UBAP2L: variants seen among roughly 807,000 people sequenced by gnomAD.
UBAP2L encodes the protein ubiquitin associated protein 2 like.
In UBAP2L, 12 loss-of-function variants were observed where a neutral mutation model predicts 130.6. That is an observed-to-expected ratio of 0.09 (90% CI 0.06 to 0.15). The LOEUF is 0.15. Ranked by LOEUF, UBAP2L falls within the 10% of genes least tolerant of loss-of-function variation. The pLI, the probability that UBAP2L is intolerant of heterozygous loss-of-function variation, is 1.00. For synonymous variants in UBAP2L, 503 were observed against 524.7 expected (o/e 0.96, Z 0.57); for missense variants, 965 against 1,332.5 (o/e 0.72, Z 4.29).
In UBAP2L at chr1:154,251,228, G is replaced by A. The variant is rs563548429; in HGVS notation, c.1401G>A (p.Ser467=). The A allele has an allele frequency of 2.1e-4, 346 of 1,614,074 alleles. 3 individuals are homozygous for A. In the South Asian group the frequency reaches 2.3e-3, roughly 11 times the overall value. ...PSKSTSAPQM[S]PGSSDNQSSS... ...AATCCACATCGGCTCCACAGATGTC[G>A]CCTGGATCTTCAGACAACCAGTCCT... The change falls in exon 13 of 27, where the codon TCG becomes TCA. Residue 467 remains serine (S), a synonymous_variant. Coordinates refer to ENST00000428931, the MANE Select transcript of UBAP2L (RefSeq NM_014847.4).
intron 11 of UBAP2L, among the ~76,000 whole-genome samples, chr1:154,248,058 C>T (rs544427924): frequency 1.2e-3 from 183 of 152,078 alleles, no homozygotes; most frequent in African/African-American, 4.1e-3. Context: ...ACCTCCACCT[C>T]CTGGGTTCAA....
Position 154,270,783 on chromosome 1 carries a change from T to C in UBAP2L, c.*488T>C, listed in dbSNP as rs1684604377. The C allele has an allele frequency of 7.5e-7, 1 of 1,331,598 alleles. No individual in the cohort carries two copies. Among genetic ancestry groups the C allele is most frequent in the Admixed American group, 3.3e-5 (1 of 30,246 alleles). 82.5% of individuals were successfully genotyped at this position (1,331,598 alleles called of 1,614,324 possible). ...GGTTTTTTTTTTGTTTTTTTTTTTT[T>C]TTTGTACTGTGTCCTCAAATTTAAT... On this transcript the variant is annotated 3_prime_UTR_variant, in exon 27 of 27. Coordinates refer to ENST00000428931, the MANE Select transcript of UBAP2L (RefSeq NM_014847.4).
intron 22 of UBAP2L, 24 bp from the exon 23 acceptor site, chr1:154,260,868 T>C (rs777413787): frequency 3.7e-6 from 6 of 1,601,024 alleles, no homozygotes; most frequent in Non-Finnish European, 5.1e-6. Flanking sequence ...AAGAGGCAGG[T>C]ACATTTAGCT....
rs1679403806 is a variant in UBAP2L, at chr1:154,255,710, TTCA to T, written c.2119_2121del (p.Ser707del). ...CGTTATCTACGCAGCAGAATACCCT[TTCA>T]TCATCAACATCTTCTGGGCGCACTT... On this transcript the variant is annotated inframe_deletion, in exon 18 of 27. Transcript: ENST00000428931. 2 of 1,614,088 alleles carry T rather than the reference TTCA, an allele frequency of 1.2e-6. No homozygotes were observed. The highest frequency in any genetic ancestry group is 4.5e-5 in the East Asian group (2 of 44,890).
chr1:154,269,515 G>A (rs964454761), intron 26 of UBAP2L: 2 of 992,082 alleles, frequency 2.0e-6, no homozygotes, highest in East Asian at 6.0e-5. Context: ...GTCACAAATC[G>A]GGATACACAA....
Position 154,270,770 on chromosome 1 carries a change from G to GTTTTTT in UBAP2L, c.*486_*491dup, listed in dbSNP as rs370017648. 102 of 922,856 alleles carry GTTTTTT rather than the reference G, an allele frequency of 1.1e-4. 2 individuals carry two copies. Among genetic ancestry groups the GTTTTTT allele is most frequent in the South Asian group, 3.2e-4 (11 of 34,302 alleles). 57.2% of individuals were successfully genotyped at this position (922,856 alleles called of 1,614,324 possible). On this transcript the variant is annotated 3_prime_UTR_variant, in exon 27 of 27. Transcript: ENST00000428931. ...AATTAGTTGAAGTGGTTTTTTTTTT[G>GTTTTTT]TTTTTTTTTTTTTTTTGTACTGTGT...
chr1:154,251,223 A>G lies in UBAP2L; in HGVS notation c.1396A>G (p.Met466Val), dbSNP rs746119841. 1.2e-6 allele frequency: 2 copies of G among 1,614,166 alleles called. No individual in the cohort carries two copies. The highest frequency in any genetic ancestry group is 1.7e-6 in the Non-Finnish European group (2 of 1,180,046). Residue 466 changes from methionine to valine, a missense_variant, in exon 13 of 27, where the codon ATG becomes GTG. Around this residue, in one of 9 missense-constraint regions of UBAP2L, gnomAD observed 74 missense variants for 97.1 expected, o/e 0.76. Transcript: ENST00000428931. Reference sequence around the variant, plus strand: ...AAGCAAATCCACATCGGCTCCACAGATGTCGCCTGGATCTTCAGACAACCA... The same window carrying G: ...AAGCAAATCCACATCGGCTCCACAGGTGTCGCCTGGATCTTCAGACAACCA... ...LPSKSTSAPQ[M>V]SPGSSDNQSS...
At chr1:154,226,741 TC>T (rs766789182) in intron 2 of UBAP2L, among the ~76,000 whole-genome samples, 2 of 152,218 alleles carry the variant, frequency 1.3e-5, no homozygotes, top group Non-Finnish European at 2.9e-5. Flanking sequence ...AAGACGGAAG[TC>T]CCTTTAACTG....
chr1:154,265,727 T>C (rs1306188942), intron 24 of UBAP2L, among the ~76,000 whole-genome samples: 1 of 152,064 alleles, frequency 6.6e-6, no homozygotes, highest in Non-Finnish European at 1.5e-5. Context: ...ACAGGAAATA[T>C]GAGAGTTGGG....
At chr1:154,222,914 G>A (rs950315896) in intron 1 of UBAP2L, among the ~76,000 whole-genome samples, 2 of 152,026 alleles carry the variant, frequency 1.3e-5, no homozygotes, top group African/African-American at 4.8e-5. Context: ...GTTTACTCTC[G>A]CACGATTTCC....
chr1:154,266,049 T>C (rs1266891495), intron 24 of UBAP2L, among the ~76,000 whole-genome samples: 1 of 152,162 alleles, frequency 6.6e-6, no homozygotes, highest in Non-Finnish European at 1.5e-5. Flanking sequence ...AGTGGAGGCA[T>C]GGATTTTGAG....
rs1264926671 is a variant in UBAP2L at position 154,235,189 on chromosome 1, A to G, written c.449-7A>G. On this transcript the variant is annotated splice_polypyrimidine_tract_variant and splice_region_variant and intron_variant, in intron 5 of 26. Transcript: ENST00000428931. ...TGTTGTTGTTTTAATTTTTATTTTT[A>G]TTTCAGTTCGAGGTCAGGAAAATGG... is the stretch of plus-strand genomic sequence containing the variant. 1.3e-6 allele frequency: 1 copy of G among 759,088 alleles called. No individual in the cohort carries two copies. Among genetic ancestry groups the G allele is most frequent in the Non-Finnish European group, 2.4e-6 (1 of 410,444 alleles). 47.0% of individuals were successfully genotyped at this position (759,088 alleles called of 1,614,324 possible). A position where few individuals can be genotyped will look rare whatever the true frequency, so the allele number is the denominator to read the frequency against.
intron 12 of UBAP2L, 129 bp downstream of exon 12, chr1:154,249,566 A>G (rs961788971): frequency 1.9e-6 from 2 of 1,044,646 alleles, no homozygotes; most frequent in African/African-American, 3.2e-5. Context: ...TTACCTTCCC[A>G]CATGTATTTC....
Position 154,246,175 on chromosome 1 carries a change from T to C in UBAP2L, c.843-29T>C, listed in dbSNP as rs750068242. 4 of 1,583,304 alleles carry C rather than the reference T, an allele frequency of 2.5e-6. No individual in the cohort carries two copies. In the African/African-American group the frequency reaches 4.0e-5, roughly 16 times the overall value. On this transcript the variant is annotated intron_variant, in intron 10 of 26. Transcript: ENST00000428931. ...GAATGTTAGCGTGTTCAGTCATTCT[T>C]CATGAAGATCCCTTCCCTTCCCCAT...
rs1667747238 is a variant in UBAP2L, at chr1:154,225,830, T to A, written c.90+617T>A. Reference sequence around the variant, plus strand: ...ACCTTGATATCTCTCTCTTTTGTTTTTGAGACGGAGTCTCGCTCTGTTGCC... The same window carrying A: ...ACCTTGATATCTCTCTCTTTTGTTTATGAGACGGAGTCTCGCTCTGTTGCC... On this transcript the variant is annotated intron_variant, in intron 2 of 26. Transcript: ENST00000428931. Among the ~76,000 whole-genome samples the A allele has an allele frequency of 2.0e-5, 3 of 152,378 alleles. No individual in the cohort carries two copies. The South Asian group carries it at 6.2e-4, about 32-fold the overall frequency.
intron 9 of UBAP2L, 80 bp downstream of exon 9, chr1:154,241,645 A>C: frequency 6.3e-7 from 1 of 1,586,312 alleles, no homozygotes; most frequent in Non-Finnish European, 8.6e-7. Flanking sequence ...GTATGTTTCT[A>C]CCCCTCAAAA....
rs932601820 is a variant in UBAP2L, at chr1:154,247,975, A to AT, written c.1015-1255dup. Among the ~76,000 whole-genome samples, 28 of 149,534 alleles carry AT rather than the reference A, an allele frequency of 1.9e-4. 1 individual carries two copies. In the Middle Eastern group the frequency reaches 0.017, roughly 92 times the overall value. On this transcript the variant is annotated intron_variant, in intron 11 of 26. Coordinates refer to ENST00000428931, the MANE Select transcript of UBAP2L (RefSeq NM_014847.4). The stretch of plus-strand genomic sequence containing the variant: ...TGTTTTTATTTTTTATTTATTTTTT[A>AT]TTTTTTTTTGAGACAGAGTTTCACT...
intron 12 of UBAP2L, among the ~76,000 whole-genome samples, chr1:154,250,424 C>T (rs138299294): frequency 1.3e-5 from 2 of 151,978 alleles, no homozygotes; most frequent in Non-Finnish European, 2.9e-5. Context: ...ATATGCCATG[C>T]CTTGTTTTTG....
chr1:154,240,042 T>A (rs2148706589), intron 8 of UBAP2L, among the ~76,000 whole-genome samples: 2 of 152,358 alleles, frequency 1.3e-5, no homozygotes, highest in South Asian at 4.1e-4. Flanking sequence ...ATGGGCTTTG[T>A]ATTAGAATAC....
Sources: gnomAD v4.1 joint callset for allele counts (sites outside exome capture counted in the v4.1 genomes callset) on GRCh38, gnomAD v4.1.1 for gene constraint, gnomAD v4.1.1 regional missense constraint, MANE v1.5 for transcripts, NCBI Gene and HGNC (gene_info 2026-07-23, HGNC 2026-07-21) for gene names.